Variants in RAB11FIP4 observed in about 807,000 individuals in gnomAD.
RAB11FIP4 encodes the protein rab11 family-interacting protein 4.
Under a neutral mutation model 74.3 loss-of-function variants are expected in RAB11FIP4, and 23 were observed. That is an observed-to-expected ratio of 0.31 (90% CI 0.22 to 0.44). The LOEUF (loss-of-function observed/expected upper bound fraction) is 0.44, where lower values mean the gene tolerates loss of function less well. Ranked by LOEUF, RAB11FIP4 falls within the 20% of genes least tolerant of loss-of-function variation. The probability of loss-of-function intolerance (pLI) is 1.00; values close to 1 mark genes in which losing one functional copy is unlikely to be tolerated. For missense variants in RAB11FIP4, 630 were observed against 863.9 expected (o/e 0.73, Z 3.39); for synonymous variants, 360 against 359.9 (o/e 1.00, Z 0.00).
At chr17:31,395,672 T>C (rs946804142) in intron 1 of RAB11FIP4, among the ~76,000 whole-genome samples, 21 of 152,008 alleles carry the variant, frequency 1.4e-4, no homozygotes, top group African/African-American at 4.8e-4. Flanking sequence ...AACAAGGAAA[T>C]TTTGAGACAC....
chr17:31,415,171 GC>G (rs1177202577), intron 1 of RAB11FIP4, among the ~76,000 whole-genome samples: 1 of 152,214 alleles, frequency 6.6e-6, no homozygotes, highest in African/African-American at 2.4e-5. Flanking sequence ...AGGGGGAAGA[GC>G]CCCCCGGAAC....
intron 3 of RAB11FIP4, among the ~76,000 whole-genome samples, chr17:31,460,231 T>C (rs1174431635): frequency 6.6e-6 from 1 of 152,138 alleles, no homozygotes; most frequent in Non-Finnish European, 1.5e-5. Context: ...GTTTAAAAAA[T>C]AAAGTGCTTT....
rs1297475762 is a variant in RAB11FIP4 at position 31,534,295 on chromosome 17, T to C, written c.*2563T>C. The C allele has an allele frequency of 6.6e-6, 1 of 152,208 alleles. No homozygotes were observed. The highest frequency in any genetic ancestry group is 1.5e-5 in the Non-Finnish European group (1 of 68,050). The allele number at this position is 152,208 out of a possible 1,614,324, so 9.4% of individuals were successfully genotyped here. On this transcript the variant is annotated 3_prime_UTR_variant, in exon 15 of 15. Transcript: ENST00000621161. Reference sequence around the variant, plus strand: ...ACAGATGTTATTTTTAGAGATAGGATCTTGCTCTGTTGCCCAGGCTGGAGT... The same window carrying C: ...ACAGATGTTATTTTTAGAGATAGGACCTTGCTCTGTTGCCCAGGCTGGAGT...
In RAB11FIP4 at chr17:31,464,749, CTTTTTTTTTTT is replaced by C. The variant is rs58083480; in HGVS notation, c.336+30646_336+30656del. 1.4e-3 allele frequency among the ~76,000 whole-genome samples: 56 copies of C among 39,638 alleles called. 1 individual carries two copies. The highest frequency in any genetic ancestry group is 1.8e-3 in the Non-Finnish European group (42 of 23,756). 26.0% of individuals were successfully genotyped at this position (39,638 alleles called of 152,430 possible). ...TACAGGCATGAGCCACTGTGCCCGG[CTTTTTTTTTTT>C]TTTTTTTTTTTTTTTTTTGAGACAA... is the stretch of plus-strand genomic sequence containing the variant. On this transcript the variant is annotated intron_variant, in intron 3 of 14. Coordinates refer to ENST00000621161, the MANE Select transcript of RAB11FIP4 (RefSeq NM_032932.6).
intron 1 of RAB11FIP4, among the ~76,000 whole-genome samples, chr17:31,393,013 A>G (rs1032815495): frequency 1.3e-5 from 2 of 152,184 alleles, no homozygotes; most frequent in Non-Finnish European, 2.9e-5. Context: ...ATTTCAGAAC[A>G]TGGGAGAAGC....
intron 1 of RAB11FIP4, among the ~76,000 whole-genome samples, chr17:31,426,599 C>T (rs1284066559): frequency 1.1e-4 from 13 of 122,020 alleles, no homozygotes; most frequent in Admixed American, 1.9e-4. Flanking sequence ...TTTTCTTTTC[C>T]TTTTTTTTTT....
intron 4 of RAB11FIP4, among the ~76,000 whole-genome samples, chr17:31,520,635 G>A (rs974198496): frequency 6.6e-6 from 1 of 152,088 alleles, no homozygotes; most frequent in South Asian, 2.1e-4. Context: ...AGCCTCCTGA[G>A]TAGCTGCGAC....
chr17:31,444,788 C>T (rs934567792), intron 3 of RAB11FIP4, among the ~76,000 whole-genome samples: 3 of 152,156 alleles, frequency 2.0e-5, no homozygotes, highest in African/African-American at 7.2e-5. Context: ...GGACATTAAC[C>T]ACCTTCGTAT....
chr17:31,513,635 A>T (rs2142797947), intron 3 of RAB11FIP4, among the ~76,000 whole-genome samples: 1 of 152,350 alleles, frequency 6.6e-6, no homozygotes, highest in Admixed American at 6.5e-5. Context: ...CGTGCAGTAA[A>T]CTGTCTTTAT....
chr17:31,408,210 A>G (rs143279746), intron 1 of RAB11FIP4, among the ~76,000 whole-genome samples: 1 of 152,338 alleles, frequency 6.6e-6, no homozygotes, highest in East Asian at 1.9e-4. Flanking sequence ...CAAGCCAATC[A>G]TTATTACCTT....
At chr17:31,464,474 G>T (rs773938432) in intron 3 of RAB11FIP4, among the ~76,000 whole-genome samples, 3 of 151,998 alleles carry the variant, frequency 2.0e-5, no homozygotes, top group South Asian at 4.1e-4. Context: ...TCTTTGAGAC[G>T]GAATTTCGCT....
At chr17:31,479,753 C>T (rs181488839) in intron 3 of RAB11FIP4, among the ~76,000 whole-genome samples, 1 of 152,256 alleles carries the variant, frequency 6.6e-6, no homozygotes, top group East Asian at 1.9e-4. Context: ...AAGTTTGGTA[C>T]TAAAAACAGC....
intron 1 of RAB11FIP4, among the ~76,000 whole-genome samples, chr17:31,410,181 C>T (rs541362352): frequency 7.2e-5 from 11 of 152,004 alleles, no homozygotes; most frequent in Non-Finnish European, 1.5e-4. Flanking sequence ...AGGGTGCACT[C>T]TGTGTCTTTG....
chr17:31,453,792 CAAAAAAAAAA>C (rs555119408), intron 3 of RAB11FIP4, among the ~76,000 whole-genome samples: 37 of 62,606 alleles, frequency 5.9e-4, no homozygotes, highest in African/African-American at 1.6e-3. Context: ...AGACTCGTCT[CAAAAAAAAAA>C]AAAAAAAAAA....
At chr17:31,481,428 C>T (rs2071848024) in intron 3 of RAB11FIP4, among the ~76,000 whole-genome samples, 1 of 152,128 alleles carries the variant, frequency 6.6e-6, no homozygotes, top group South Asian at 2.1e-4. Context: ...TCCACTCCTA[C>T]AAAGCTTCTA....
intron 1 of RAB11FIP4, among the ~76,000 whole-genome samples, chr17:31,412,375 G>A (rs555897789): frequency 6.6e-6 from 1 of 152,314 alleles, no homozygotes; most frequent in Admixed American, 6.5e-5. Flanking sequence ...AATGGAGCCC[G>A]CTCCCCCTTC....
chr17:31,415,674 G>A (rs1254423435), intron 1 of RAB11FIP4, among the ~76,000 whole-genome samples: 1 of 152,040 alleles, frequency 6.6e-6, no homozygotes, highest in Non-Finnish European at 1.5e-5. Flanking sequence ...CCGAGAGAGG[G>A]GAAGGAGCTC....
intron 3 of RAB11FIP4, among the ~76,000 whole-genome samples, chr17:31,475,007 G>A (rs995316569): frequency 6.6e-6 from 1 of 152,102 alleles, no homozygotes; most frequent in South Asian, 2.1e-4. Context: ...TTGAAGGAAC[G>A]TTTAAAGCCA....
intron 1 of RAB11FIP4, among the ~76,000 whole-genome samples, chr17:31,409,032 G>A (rs911490807): frequency 1.3e-5 from 2 of 152,220 alleles, no homozygotes; most frequent in Non-Finnish European, 2.9e-5. Context: ...GCACACAGAC[G>A]GCCGCAGAGT....
Sources: allele counts gnomAD v4.1 joint callset (sites outside exome capture counted in the v4.1 genomes callset), GRCh38; gene constraint gnomAD v4.1.1; transcripts MANE v1.5; gene names NCBI Gene and HGNC (gene_info 2026-07-23, HGNC 2026-07-21).